The following KIF13B variants were observed in gnomAD, a reference collection of about 807,000 sequenced individuals.
KIF13B encodes the protein kinesin family member 13B.
In KIF13B, 127 loss-of-function variants were observed where a neutral mutation model predicts 222.0. The ratio of observed to expected loss-of-function variants is 0.57; its 90% CI spans 0.50 to 0.66. KIF13B has a LOEUF of 0.66. Among genes scored for constraint, KIF13B ranks in the 30% least tolerant of loss-of-function variants. KIF13B has a pLI of 0.00. For missense variants in KIF13B, 2,173 were observed against 2,379.0 expected, an observed-to-expected ratio of 0.91 and a Z score of 1.80; for synonymous variants, 976 against 919.0, an observed-to-expected ratio of 1.06 and a Z score of -1.12.
chr8:29,220,980 A>G (rs1044699095), intron 2 of KIF13B, among the ~76,000 whole-genome samples: 1 of 151,956 alleles, frequency 6.6e-6, no homozygotes, highest in East Asian at 1.9e-4. Flanking sequence ...TAAAATTTAA[A>G]TATGTACATA....
chr8:29,174,498 A>C (rs968338632), intron 10 of KIF13B, among the ~76,000 whole-genome samples: 1 of 152,222 alleles, frequency 6.6e-6, no homozygotes, highest in African/African-American at 2.4e-5. Flanking sequence ...GTCAGGATTC[A>C]AGTAACAATA....
At chr8:29,221,659 T>C (rs563081697) in intron 2 of KIF13B, among the ~76,000 whole-genome samples, 7 of 152,174 alleles carry the variant, frequency 4.6e-5, no homozygotes, top group African/African-American at 9.7e-5. Context: ...CCTAGAGTAA[T>C]TGAAGTATTA....
chr8:29,116,951 C>G lies in KIF13B; in HGVS notation c.3717G>C (p.Arg1239Ser), dbSNP rs769943486. ...ACAACCGCTCGTCCACGGGCGTGCC[C>G]CTGCTGAGCTGAGGGCAGCCATGCA... ...SAVHGCPQLS[R>S]GTPVDERLFL... Residue 1239 changes from arginine to serine, a missense_variant, in exon 31 of 40, where the codon AGG becomes AGC. Physicochemically the swap from Arg to Ser is moderately radical, Grantham distance 110. Transcript: ENST00000524189. The G allele has an allele frequency of 1.6e-5, 25 of 1,611,698 alleles. No homozygotes were observed.
intron 10 of KIF13B, among the ~76,000 whole-genome samples, chr8:29,171,027 G>T (rs1812214854): frequency 6.6e-6 from 1 of 152,326 alleles, no homozygotes; most frequent in African/African-American, 2.4e-5. Context: ...TAACCATGGA[G>T]AAAGGACTGG....
chr8:29,201,113 C>T (rs1813674735), intron 2 of KIF13B, among the ~76,000 whole-genome samples: 1 of 152,178 alleles, frequency 6.6e-6, no homozygotes, highest in Admixed American at 6.5e-5. Context: ...AATTTTAGCA[C>T]CCACTTATAA....
intron 2 of KIF13B, among the ~76,000 whole-genome samples, chr8:29,233,947 A>C (rs998043182): frequency 6.6e-6 from 1 of 152,252 alleles, no homozygotes; most frequent in Non-Finnish European, 1.5e-5. Flanking sequence ...TAGACAGTTA[A>C]GAGTTAGCAC....
chr8:29,095,882 GAAAAA>G (rs1369754128), intron 36 of KIF13B, among the ~76,000 whole-genome samples: 1 of 150,772 alleles, frequency 6.6e-6, no homozygotes, highest in African/African-American at 2.4e-5. Context: ...GAAATAATCT[GAAAAA>G]AACAAAACAA....
rs1812057970 is a variant in KIF13B at position 29,167,487 on chromosome 8, A to G, written c.1044T>C (p.Asp348=). ...DETLSTLRYA[D]RAKHIVNHAV... ...CGTGGTTTACAATGTGCTTGGCTCG[A>G]TCTGCATACCGCAGAGTTGAGAGGG... The change falls in exon 11 of 40, where the codon GAT becomes GAC. Residue 348 remains aspartate, a synonymous_variant. Coordinates refer to ENST00000524189, the MANE Select transcript of KIF13B (RefSeq NM_015254.4). 3 of 1,614,000 alleles carry G rather than the reference A, an allele frequency of 1.9e-6. No individual in the cohort carries two copies. The highest frequency in any genetic ancestry group is 2.5e-6 in the Non-Finnish European group (3 of 1,179,854).
intron 35 of KIF13B, among the ~76,000 whole-genome samples, chr8:29,102,270 C>T (rs994823336): frequency 6.6e-6 from 1 of 152,200 alleles, no homozygotes. Flanking sequence ...GTAATCTACA[C>T]CCCTCCACCT....
At chr8:29,077,357 G>A (rs781055149) in intron 37 of KIF13B, among the ~76,000 whole-genome samples, 18 of 152,182 alleles carry the variant, frequency 1.2e-4, no homozygotes, top group Non-Finnish European at 2.1e-4. Flanking sequence ...ACACTGCCAC[G>A]CAGTCCTCGC....
Position 29,150,425 on chromosome 8 carries a change from T to TCA in KIF13B, c.1536-44_1536-43dup, listed in dbSNP as rs887317316. ...TCAAACGTGAATGATGAGTACAGTA[T>TCA]CATGTCTTCTGCTTTAATTTCCCAA... On this transcript the variant is annotated intron_variant, in intron 14 of 39. Transcript: ENST00000524189. The TCA allele has an allele frequency of 7.5e-6, 7 of 934,264 alleles. No homozygotes were observed. In the African/African-American group the frequency reaches 1.1e-4, roughly 15 times the overall value. The allele number at this position is 934,264 out of a possible 1,614,324, so 57.9% of individuals were successfully genotyped here.
chr8:29,229,088 TAAAAAAAAAAAA>T (rs370080449), intron 2 of KIF13B, among the ~76,000 whole-genome samples: 1 of 94,692 alleles, frequency 1.1e-5, no homozygotes, highest in Non-Finnish European at 2.0e-5. Context: ...ATGTCAGCTT[TAAAAAAAAAAAA>T]AAAAAAAAAA....
chr8:29,126,452 T>C (rs777489824), intron 26 of KIF13B, 30 bp downstream of exon 26: 1 of 1,443,238 alleles, frequency 6.9e-7, no homozygotes, highest in South Asian at 1.2e-5. Context: ...TCATGCTTAT[T>C]TGAGATGAGA....
At chr8:29,079,610 C>T (rs1180457557) in intron 37 of KIF13B, among the ~76,000 whole-genome samples, 2 of 152,084 alleles carry the variant, frequency 1.3e-5, no homozygotes, top group African/African-American at 2.4e-5. Context: ...ATGTGGGCAT[C>T]GGGGAGGTAA....
intron 35 of KIF13B, among the ~76,000 whole-genome samples, chr8:29,103,111 G>A (rs1019956091): frequency 2.6e-5 from 4 of 151,746 alleles, no homozygotes; most frequent in South Asian, 2.1e-4. Flanking sequence ...GCACGGTGGC[G>A]GGCGCCTGTA....
chr8:29,149,950 G>A lies in KIF13B; in HGVS notation c.1622+347C>T, dbSNP rs192408580. 3.9e-5 allele frequency among the ~76,000 whole-genome samples: 6 copies of A among 151,960 alleles called. No homozygotes were observed. The East Asian group carries it at 1.2e-3, about 29-fold the overall frequency. On this transcript the variant is annotated intron_variant, in intron 15 of 39. Transcript: ENST00000524189. The stretch of plus-strand genomic sequence containing the variant: ...ATAAGGAAACTAAAACCACGACTAC[G>A]TTTCCGTAAAAAAATAAATAAAAAA...
At chr8:29,077,435 C>G (rs1807616652) in intron 37 of KIF13B, among the ~76,000 whole-genome samples, 2 of 152,232 alleles carry the variant, frequency 1.3e-5, no homozygotes, top group East Asian at 3.8e-4. Context: ...GGAAGGTGTT[C>G]AAGGGTATAT....
intron 2 of KIF13B, among the ~76,000 whole-genome samples, chr8:29,225,742 T>C (rs892306358): frequency 6.6e-6 from 1 of 152,206 alleles, no homozygotes; most frequent in African/African-American, 2.4e-5. Flanking sequence ...GGCAGGATTT[T>C]ATTGTAATCA....
chr8:29,176,533 T>C (rs1812483875), intron 9 of KIF13B, among the ~76,000 whole-genome samples: 1 of 152,188 alleles, frequency 6.6e-6, no homozygotes, highest in Non-Finnish European at 1.5e-5. Context: ...AATAATAGGA[T>C]AGCATCTGGG....
Sources: gnomAD v4.1 joint callset for allele counts (sites outside exome capture counted in the v4.1 genomes callset) on GRCh38, gnomAD v4.1.1 for gene constraint, MANE v1.5 for transcripts, NCBI Gene and HGNC (gene_info 2026-07-23, HGNC 2026-07-21) for gene names.